The following RBM6 variants were observed in gnomAD, a reference collection of about 807,000 sequenced individuals.
The protein encoded by RBM6 is RNA binding motif protein 6.
A neutral mutation model predicts 140.4 loss-of-function variants in RBM6; 23 were observed. The observed-to-expected ratio is 0.16, with a 90% CI of 0.12 to 0.23. The LOEUF (loss-of-function observed/expected upper bound fraction) is 0.23. Ranked by LOEUF, RBM6 falls within the 10% of genes least tolerant of loss-of-function variation. RBM6 has a pLI of 1.00. For synonymous variants in RBM6, 439 were observed against 475.6 expected (o/e 0.92, Z 1.00); for missense variants, 1,139 against 1,386.7 (o/e 0.82, Z 2.84).
chr3:49,957,155 T>A (rs1487186988), intron 1 of RBM6, among the ~76,000 whole-genome samples: 1 of 152,032 alleles, frequency 6.6e-6, no homozygotes, highest in African/African-American at 2.4e-5. Flanking sequence ...TTTTGTTTTT[T>A]AAATTTTTCA....
intron 6 of RBM6, among the ~76,000 whole-genome samples, chr3:50,015,431 ATTTTT>A (rs1203865246): frequency 6.9e-6 from 1 of 145,774 alleles, no homozygotes; most frequent in Non-Finnish European, 1.5e-5. Context: ...TATTATTATT[ATTTTT>A]TTTTTTTTTT....
intron 6 of RBM6, among the ~76,000 whole-genome samples, chr3:50,041,621 C>T (rs2088925017): frequency 6.6e-6 from 1 of 152,196 alleles, no homozygotes; most frequent in Non-Finnish European, 1.5e-5. Flanking sequence ...GGGCTTTGCT[C>T]TTTCTGCAGG....
chr3:50,048,268 A>G lies in RBM6; in HGVS notation c.1581A>G (p.Lys527=). 6.2e-7 allele frequency: 1 copy of G among 1,613,484 alleles called. No homozygotes were observed. The change falls in exon 7 of 21, where the codon AAA becomes AAG. Residue 527 remains lysine (K), a synonymous_variant. Transcript: ENST00000266022. The part of the protein sequence containing the change: ...ANQGTLMIQD[K]EVTLEYVSSL... ...AGGGAACTCTAATGATCCAGGACAA[A>G]GAAGTTACCCTGGAGTATGTATCAA...
chr3:49,941,640 C>CAAAAAAAAAAAAAAAAAAAAAAAAAAAA (rs1171636981), intron 1 of RBM6, among the ~76,000 whole-genome samples: 1 of 58,726 alleles, frequency 1.7e-5, no homozygotes, highest in Non-Finnish European at 2.9e-5. Context: ...AACTCTGTCT[C>CAAAAAAAAAAAAAAAAAAAAAAAAAAAA]AAAAAAAAAA....
chr3:50,052,005 T>A (rs1412909318), intron 7 of RBM6, among the ~76,000 whole-genome samples: 1 of 152,218 alleles, frequency 6.6e-6, no homozygotes, highest in Non-Finnish European at 1.5e-5. Flanking sequence ...ATGGTGATGG[T>A]TGCACTATAC....
At chr3:49,970,856 A>G (rs1241105380) in intron 3 of RBM6, among the ~76,000 whole-genome samples, 3 of 152,080 alleles carry the variant, frequency 2.0e-5, no homozygotes, top group African/African-American at 7.2e-5. Context: ...AAGGCCAGGC[A>G]CAGTGGCTCA....
At chr3:50,064,961 C>T (rs963683259) in intron 15 of RBM6, 70 bp from the exon 16 acceptor site, 38 of 1,345,356 alleles carry the variant, frequency 2.8e-5, no homozygotes, top group East Asian at 7.1e-5. Flanking sequence ...CGTGAGCCAC[C>T]GCACCCAGCC....
chr3:50,011,018 A>G (rs926373843), intron 6 of RBM6, among the ~76,000 whole-genome samples: 1 of 151,632 alleles, frequency 6.6e-6, no homozygotes, highest in Non-Finnish European at 1.5e-5. Context: ...CAACCCCCCA[A>G]AAAGATTGTC....
chr3:50,008,443 T>A (rs1453234516), intron 6 of RBM6, among the ~76,000 whole-genome samples: 1 of 152,162 alleles, frequency 6.6e-6, no homozygotes, highest in Non-Finnish European at 1.5e-5. Flanking sequence ...GCCATCTTGA[T>A]TATAACTTTG....
intron 19 of RBM6, among the ~76,000 whole-genome samples, chr3:50,072,476 A>G (rs1459525846): frequency 6.6e-6 from 1 of 152,082 alleles, no homozygotes; most frequent in Non-Finnish European, 1.5e-5. Context: ...GCAGAAGGAA[A>G]GGGAGATAAT....
chr3:50,057,984 C>G lies in RBM6; in HGVS notation c.1950C>G (p.Arg650=). Residue 650 remains arginine (R), a synonymous_variant, in exon 9 of 21, where the codon CGC becomes CGG. Transcript: ENST00000266022. ...RERESWSGET[R]QDGESKTIML... ...GGGAGTCATGGTCTGGAGAGACACG[C>G]CAGGATGGAGAGAGCAAAAGTAAGT... The G allele has an allele frequency of 6.2e-7, 1 of 1,613,626 alleles. No individual in the cohort carries two copies. The highest frequency in any genetic ancestry group is 8.5e-7 in the Non-Finnish European group (1 of 1,179,944).
At chr3:50,023,576 C>A (rs2108801141) in intron 6 of RBM6, among the ~76,000 whole-genome samples, 1 of 151,844 alleles carries the variant, frequency 6.6e-6, no homozygotes, top group South Asian at 2.1e-4. Flanking sequence ...TAGTAGAATA[C>A]CGTGTTTTAA....
chr3:50,006,184 G>A (rs538335519), intron 6 of RBM6, among the ~76,000 whole-genome samples: 8 of 144,634 alleles, frequency 5.5e-5, no homozygotes, highest in Non-Finnish European at 9.0e-5. Flanking sequence ...TCGCTGTGTC[G>A]CCCAGGCTGT....
At position 50,057,877 on chromosome 3, in the gene RBM6, T is replaced by A. The variant is rs2089778023; in HGVS notation, c.1843T>A (p.Leu615Ile). 1 of 1,613,866 alleles carries A rather than the reference T, an allele frequency of 6.2e-7. No homozygotes were observed. The highest frequency in any genetic ancestry group is 1.3e-5 in the African/African-American group (1 of 74,824). ...GAGGGAAGAAGGCCAAGAGTCACGC[T>A]TAGGACATCAAAAGAGAGAAGCAGA... The part of the protein sequence containing the change: ...RKREEGQESR[L>I]GHQKREAERY... The change falls in exon 9 of 21, where the codon TTA (leucine) becomes ATA (isoleucine). Residue 615 changes from leucine (L) to isoleucine (I), a missense_variant. Leu to Ile is a conservative substitution (Grantham distance 5). Around this residue, in one of 9 missense-constraint regions of RBM6, gnomAD observed 109 missense variants for 101.9 expected, o/e 1.07. Transcript: ENST00000266022.
chr3:50,041,407 C>A (rs2088909049), intron 6 of RBM6, among the ~76,000 whole-genome samples: 1 of 152,204 alleles, frequency 6.6e-6, no homozygotes, highest in Admixed American at 6.5e-5. Flanking sequence ...TACTTTCTTT[C>A]TTCCTCCATC....
chr3:50,075,354 G>T lies in RBM6; in HGVS notation c.3246+24G>T, dbSNP rs748666647. The stretch of plus-strand genomic sequence containing the variant: ...AGGTAAAATGGTTTCCATCTTTTGG[G>T]GGGTGACATGAACCTGGAATGTAAT... On this transcript the variant is annotated intron_variant, in intron 20 of 20. Transcript: ENST00000266022. The T allele has an allele frequency of 8.1e-6, 13 of 1,602,914 alleles. No homozygotes were observed. The highest frequency in any genetic ancestry group is 6.7e-5 in the East Asian group (3 of 44,638).
At position 50,043,499 on chromosome 3, in the gene RBM6, AGAG is replaced by A. The variant is rs748555411; in HGVS notation, c.1558-4745_1558-4743del. Among the ~76,000 whole-genome samples, 730 of 143,476 alleles carry A rather than the reference AGAG, an allele frequency of 5.1e-3. 2 individuals are homozygous for A. Among genetic ancestry groups the A allele is most frequent in the Admixed American group, 9.4e-3 (134 of 14,230 alleles). 94.1% of individuals were successfully genotyped at this position (143,476 alleles called of 152,430 possible). On this transcript the variant is annotated intron_variant, in intron 6 of 20. Transcript: ENST00000266022. ...CAAGACCCTGTCTCAAAAAAAAAAA[AGAG>A]AGATCTATCTCTCTTCTTTTTATAT...
At chr3:50,029,672 G>T (rs2088035279) in intron 6 of RBM6, among the ~76,000 whole-genome samples, 1 of 152,162 alleles carries the variant, frequency 6.6e-6, no homozygotes, top group South Asian at 2.1e-4. Context: ...GGCAGAGGTT[G>T]CAGTGAGCCG....
chr3:50,044,501 C>T (rs1327861828), intron 6 of RBM6, among the ~76,000 whole-genome samples: 3 of 151,028 alleles, frequency 2.0e-5, no homozygotes, highest in East Asian at 2.0e-4. Context: ...GAGAATTGCT[C>T]GAACTTGGGA....
Sources: gnomAD v4.1 joint callset for allele counts (sites outside exome capture counted in the v4.1 genomes callset) on GRCh38, gnomAD v4.1.1 for gene constraint, gnomAD v4.1.1 regional missense constraint, MANE v1.5 for transcripts, NCBI Gene and HGNC (gene_info 2026-07-23, HGNC 2026-07-21) for gene names.